The following PTPRJ variants were observed in gnomAD, a reference collection of about 807,000 sequenced individuals.
PTPRJ encodes the protein receptor-type tyrosine-protein phosphatase eta.
PTPRJ carries 129 observed loss-of-function variants against 141.3 expected under a neutral mutation model. The observed-to-expected ratio is 0.91, with a 90% CI of 0.79 to 1.06. PTPRJ has a LOEUF of 1.06. PTPRJ is among the 50% of genes least tolerant of loss of function. The pLI is 0.00. For missense variants in PTPRJ, 1,601 were observed against 1,679.7 expected, an observed-to-expected ratio of 0.95 and a Z score of 0.82; for synonymous variants, 610 against 640.5, an observed-to-expected ratio of 0.95 and a Z score of 0.72.
chr11:48,112,702 T>G (rs375895000), intron 2 of PTPRJ, 45 bp from the exon 3 acceptor site: 2 of 1,443,840 alleles, frequency 1.4e-6, no homozygotes, highest in Non-Finnish European at 1.9e-6. Flanking sequence ...CCCTGTCTCC[T>G]GGAGAAATAT....
At chr11:48,014,014 T>G (rs556765587) in intron 1 of PTPRJ, among the ~76,000 whole-genome samples, 1 of 152,278 alleles carries the variant, frequency 6.6e-6, no homozygotes, top group Admixed American at 6.5e-5. Flanking sequence ...GCCAGCTGTT[T>G]AGGTCTGAAG....
intron 1 of PTPRJ, among the ~76,000 whole-genome samples, chr11:48,079,954 G>A (rs936218819): frequency 1.3e-5 from 2 of 152,160 alleles, no homozygotes; most frequent in Non-Finnish European, 2.9e-5. Context: ...ACATCCCGAA[G>A]CATATCCCCC....
chr11:48,038,014 ATCC>A (rs201326394), intron 1 of PTPRJ, among the ~76,000 whole-genome samples: 335 of 148,666 alleles, frequency 2.3e-3, no homozygotes, highest in African/African-American at 8.2e-3. Flanking sequence ...AGTTCAGATC[ATCC>A]TTCTTTGCTT....
intron 1 of PTPRJ, among the ~76,000 whole-genome samples, chr11:47,981,529 G>T (rs911771996): frequency 1.3e-5 from 2 of 152,214 alleles, no homozygotes; most frequent in African/African-American, 4.8e-5. Flanking sequence ...ACTCCGGGCC[G>T]AGGGCCCTGT....
chr11:48,109,266 C>T (rs1856376638), intron 1 of PTPRJ, among the ~76,000 whole-genome samples: 1 of 137,072 alleles, frequency 7.3e-6, no homozygotes, highest in South Asian at 2.5e-4. Context: ...TTATTTTATT[C>T]TTCGTGACGA....
Position 48,110,066 on chromosome 11 carries a change from C to A in PTPRJ, c.105C>A (p.Cys35Ter), listed in dbSNP as rs201977385. 10 of 1,613,760 alleles carry A rather than the reference C, an allele frequency of 6.2e-6. No individual in the cohort carries two copies. The highest frequency in any genetic ancestry group is 8.5e-7 in the Non-Finnish European group (1 of 1,179,812). Residue 35 changes from cysteine (C) to a stop codon, truncating the protein, a stop_gained, in exon 2 of 25, where the codon TGC becomes TGA. Transcript: ENST00000418331. LOFTEE classifies it high-confidence loss of function. ...TTCTTTTTCTGTTTCAGATCCTGTGCGCAGGTGGCAGTGAGTACCCTTTTC... is the reference window on the plus strand; with the variant it reads ...TTCTTTTTCTGTTTCAGATCCTGTGAGCAGGTGGCAGTGAGTACCCTTTTC... ...LLLLRLGQIL[C>*]AGGTPSPIPD...
In PTPRJ at chr11:48,036,910, CT is replaced by C. The variant is rs551936041; in HGVS notation, c.96+55909del. Among the ~76,000 whole-genome samples, 326 of 152,312 alleles carry C rather than the reference CT, an allele frequency of 2.1e-3. 1 individual carries two copies. The highest frequency in any genetic ancestry group is 7.4e-3 in the African/African-American group (307 of 41,564). On this transcript the variant is annotated intron_variant, in intron 1 of 24. Coordinates refer to ENST00000418331, the MANE Select transcript of PTPRJ (RefSeq NM_002843.4). ...CTCCAGAATTGTATTTCTGCTTTTT[CT>C]TTTTTTAACTTGGCAGTGGTTAACC...
chr11:48,029,530 C>G (rs1400556603), intron 1 of PTPRJ, among the ~76,000 whole-genome samples: 1 of 152,138 alleles, frequency 6.6e-6, no homozygotes, highest in African/African-American at 2.4e-5. Flanking sequence ...TTATATGTTA[C>G]AGGACAGTAA....
At chr11:48,057,276 T>C (rs1854780778) in intron 1 of PTPRJ, among the ~76,000 whole-genome samples, 1 of 152,122 alleles carries the variant, frequency 6.6e-6, no homozygotes, top group Non-Finnish European at 1.5e-5. Flanking sequence ...AGTGGGCTAA[T>C]AAAAGCTCTG....
chr11:48,155,766 T>A, intron 19 of PTPRJ, 35 bp from the exon 20 acceptor site: 4 of 1,504,806 alleles, frequency 2.7e-6, no homozygotes, highest in Non-Finnish European at 3.6e-6. Context: ...AAACATTTGC[T>A]TATAATGGGG....
Position 48,079,176 on chromosome 11 carries a change from A to C in PTPRJ, c.97-30882A>C, listed in dbSNP as rs182141389. 2.6e-5 allele frequency among the ~76,000 whole-genome samples: 4 copies of C among 152,256 alleles called. No individual in the cohort carries two copies. In the East Asian group the frequency reaches 7.7e-4, roughly 29 times the overall value. ...GAGCTAAAAAAAAAAAAATCACAAA[A>C]AATCTCAAAATGTTTTAAGAAAGTT... is the stretch of plus-strand genomic sequence containing the variant. On this transcript the variant is annotated intron_variant, in intron 1 of 24. Coordinates refer to ENST00000418331, the MANE Select transcript of PTPRJ (RefSeq NM_002843.4).
At chr11:48,136,516 CCTT>C (rs1857106332) in intron 9 of PTPRJ, among the ~76,000 whole-genome samples, 1 of 152,196 alleles carries the variant, frequency 6.6e-6, no homozygotes, top group Admixed American at 6.5e-5. Flanking sequence ...AGAAATGATT[CCTT>C]GGGAATGGTG....
chr11:48,149,586 G>T, intron 16 of PTPRJ, 98 bp downstream of exon 16: 1 of 844,362 alleles, frequency 1.2e-6, no homozygotes, highest in Non-Finnish European at 1.8e-6. Context: ...CATTTTTCCT[G>T]ATTGGCACAT....
chr11:48,141,382 G>A (rs1857226020), intron 11 of PTPRJ, among the ~76,000 whole-genome samples: 1 of 151,926 alleles, frequency 6.6e-6, no homozygotes, highest in Admixed American at 6.6e-5. Flanking sequence ...GGGTCCTGTG[G>A]GGGCTTTTCT....
At position 48,080,654 on chromosome 11, in the gene PTPRJ, G is replaced by A. The variant is rs187813576; in HGVS notation, c.97-29404G>A. ...CAGATTGTATACCATCTTGGCTTTG[G>A]CCGAGCCAAACAGAATGCCAAAGAT... is the stretch of plus-strand genomic sequence containing the variant. On this transcript the variant is annotated intron_variant, in intron 1 of 24. Transcript: ENST00000418331. Among the ~76,000 whole-genome samples, 457 of 152,284 alleles carry A rather than the reference G, an allele frequency of 3.0e-3. 2 individuals are homozygous for A. The highest frequency in any genetic ancestry group is 0.011 in the African/African-American group (442 of 41,542).
chr11:48,008,925 ATTG>A (rs1326635529), intron 1 of PTPRJ, among the ~76,000 whole-genome samples: 1 of 152,190 alleles, frequency 6.6e-6, no homozygotes, highest in Non-Finnish European at 1.5e-5. Flanking sequence ...CAAATGAATT[ATTG>A]TTAGCAAAAC....
At chr11:48,068,756 C>T (rs1395910369) in intron 1 of PTPRJ, among the ~76,000 whole-genome samples, 3 of 152,196 alleles carry the variant, frequency 2.0e-5, no homozygotes, top group Non-Finnish European at 4.4e-5. Context: ...CGGAATCTGG[C>T]CCTGCCCTTA....
intron 1 of PTPRJ, among the ~76,000 whole-genome samples, chr11:48,041,866 G>A (rs999905568): frequency 6.6e-6 from 1 of 151,844 alleles, no homozygotes; most frequent in African/African-American, 2.4e-5. Flanking sequence ...GCCTGACTCA[G>A]CCTCCCAAAG....
intron 14 of PTPRJ, among the ~76,000 whole-genome samples, chr11:48,146,032 G>T (rs1331123401): frequency 1.3e-5 from 2 of 151,934 alleles, no homozygotes; most frequent in Non-Finnish European, 2.9e-5. Flanking sequence ...GTAGAGATGG[G>T]GTCTTGCTAT....
Sources: gnomAD v4.1 joint callset for allele counts (sites outside exome capture counted in the v4.1 genomes callset) on GRCh38, gnomAD v4.1.1 for gene constraint, MANE v1.5 for transcripts, NCBI Gene and HGNC (gene_info 2026-07-23, HGNC 2026-07-21) for gene names.